SFT2D2: variants seen among roughly 807,000 people sequenced by gnomAD.
The protein encoded by SFT2D2 is SFT2 domain containing 2, also known as vesicle transport protein SFT2B.
SFT2D2 carries 21 observed loss-of-function variants against 27.4 expected under a neutral mutation model. The ratio of observed to expected loss-of-function variants is 0.77; its 90% CI spans 0.54 to 1.10. The LOEUF is 1.10. Ranked by LOEUF, SFT2D2 falls within the 50% of genes least tolerant of loss-of-function variation. The probability of loss-of-function intolerance (pLI) is 0.00; values close to 1 mark genes in which losing one functional copy is unlikely to be tolerated. For synonymous variants in SFT2D2, 72 were observed against 71.7 expected (o/e 1.00, Z -0.02); for missense variants, 187 against 194.2 (o/e 0.96, Z 0.22).
At position 168,248,619 on chromosome 1, in the gene SFT2D2, G is replaced by C. The variant is rs926794751; in HGVS notation, c.*6079G>C. ...TTTCTGCATCTATTGAGTTAGGGAG[G>C]ATTCCCTCTTTTTCTATTGTTTGGA... On this transcript the variant is annotated 3_prime_UTR_variant, in exon 8 of 8. Transcript: ENST00000271375. The C allele has an allele frequency of 6.6e-6, 1 of 152,180 alleles. No homozygotes were observed. The allele number at this position is 152,180 out of a possible 1,614,324, so 9.4% of individuals were successfully genotyped here.
intron 1 of SFT2D2, among the ~76,000 whole-genome samples, chr1:168,229,285 T>A (rs1700489818): frequency 6.6e-6 from 1 of 152,224 alleles, no homozygotes; most frequent in Non-Finnish European, 1.5e-5. Flanking sequence ...AGTGGCTCGA[T>A]CTCGGCTCAC....
chr1:168,231,703 A>G (rs902897222), intron 2 of SFT2D2, 103 bp downstream of exon 2: 2 of 1,442,632 alleles, frequency 1.4e-6, no homozygotes, highest in African/African-American at 1.4e-5. Context: ...ACTAAAATGC[A>G]TGGATGAGAG....
chr1:168,248,697 G>A lies in SFT2D2; in HGVS notation c.*6157G>A, dbSNP rs560302008. On this transcript the variant is annotated 3_prime_UTR_variant, in exon 8 of 8. Coordinates refer to ENST00000271375, the MANE Select transcript of SFT2D2 (RefSeq NM_199344.3). The stretch of plus-strand genomic sequence containing the variant: ...CCCTTTTGTACCTCTGGTAGAATTC[G>A]GCTGTGAATCCATCTGGTCCTGGAC... 45 of 152,264 alleles carry A rather than the reference G, an allele frequency of 3.0e-4. No individual in the cohort carries two copies. Among genetic ancestry groups the A allele is most frequent in the African/African-American group, 1.0e-3 (43 of 41,552 alleles). The allele number at this position is 152,264 out of a possible 1,614,324, so 9.4% of individuals were successfully genotyped here.
chr1:168,237,841 A>ATG (rs34517084), intron 6 of SFT2D2, among the ~76,000 whole-genome samples: 62,709 of 147,888 alleles, frequency 0.42, 15,396 homozygotes, highest in Non-Finnish European at 0.56. Context: ...GTTTGTGTTT[A>ATG]TGTGTGTGTG....
intron 6 of SFT2D2, 23 bp downstream of exon 6, chr1:168,236,793 C>T: frequency 2.5e-6 from 4 of 1,611,342 alleles, no homozygotes; most frequent in South Asian, 2.2e-5. Context: ...TTAAACAATC[C>T]CCTCCCACAT....
Position 168,244,823 on chromosome 1 carries a change from C to G in SFT2D2, c.*2283C>G, listed in dbSNP as rs1647764218. 6.6e-6 allele frequency: 1 copy of G among 152,068 alleles called. No individual in the cohort carries two copies. The highest frequency in any genetic ancestry group is 6.6e-5 in the Admixed American group (1 of 15,264). The allele number at this position is 152,068 out of a possible 1,614,324, so 9.4% of individuals were successfully genotyped here. A position where few individuals can be genotyped will look rare whatever the true frequency, so the allele number is the denominator to read the frequency against. On this transcript the variant is annotated 3_prime_UTR_variant, in exon 8 of 8. Coordinates refer to ENST00000271375, the MANE Select transcript of SFT2D2 (RefSeq NM_199344.3). Reference sequence around the variant, plus strand: ...GCTCCAGCAGCCTGGAATAAGACACCTAGAAGGCTCATCCCTCCATGTCCA... The same window carrying G: ...GCTCCAGCAGCCTGGAATAAGACACGTAGAAGGCTCATCCCTCCATGTCCA...
In SFT2D2 at chr1:168,246,577, G is replaced by T. The variant is rs534126902; in HGVS notation, c.*4037G>T. ...TTGCTGAGAAAGAATCAGAACATGA[G>T]AATTCAAATTTTCCTGTAAATGACG... On this transcript the variant is annotated 3_prime_UTR_variant, in exon 8 of 8. Transcript: ENST00000271375. 6.2e-4 allele frequency: 934 copies of T among 1,511,778 alleles called. 2 individuals carry two copies. The highest frequency in any genetic ancestry group is 7.6e-4 in the Non-Finnish European group (843 of 1,104,340). The allele number at this position is 1,511,778 out of a possible 1,614,324, so 93.6% of individuals were successfully genotyped here. A position where few individuals can be genotyped will look rare whatever the true frequency, so the allele number is the denominator to read the frequency against.
chr1:168,229,192 A>G (rs912116995), intron 1 of SFT2D2, among the ~76,000 whole-genome samples: 15 of 152,094 alleles, frequency 9.9e-5, no homozygotes, highest in East Asian at 5.8e-4. Flanking sequence ...ACTGCTTCCT[A>G]TTGTGGTTAT....
rs1647685791 is a variant in SFT2D2 at position 168,242,858 on chromosome 1, C to T, written c.*318C>T. On this transcript the variant is annotated 3_prime_UTR_variant, in exon 8 of 8. Transcript: ENST00000271375. Reference sequence around the variant, plus strand: ...ACCTATTCAGCAACAGCACATAAGCCTTGGGTGCAAGTGATTCCCAGGTGG... The same window carrying T: ...ACCTATTCAGCAACAGCACATAAGCTTTGGGTGCAAGTGATTCCCAGGTGG... The T allele has an allele frequency of 8.5e-6, 3 of 352,400 alleles. No homozygotes were observed. The South Asian group carries it at 8.6e-5, about 10-fold the overall frequency. 21.8% of individuals were successfully genotyped at this position (352,400 alleles called of 1,614,324 possible). A position where few individuals can be genotyped will look rare whatever the true frequency, so the allele number is the denominator to read the frequency against.
At chr1:168,227,850 A>G (rs1297858350) in intron 1 of SFT2D2, among the ~76,000 whole-genome samples, 1 of 152,184 alleles carries the variant, frequency 6.6e-6, no homozygotes, top group Non-Finnish European at 1.5e-5. Flanking sequence ...TGATGCAGAT[A>G]TTATTGTCTC....
At position 168,226,285 on chromosome 1, in the gene SFT2D2, C is replaced by T. The variant is rs950335894; in HGVS notation, c.63+143C>T. 4.5e-6 allele frequency: 3 copies of T among 672,948 alleles called. No homozygotes were observed. In the African/African-American group the frequency reaches 5.8e-5, roughly 13 times the overall value. 41.7% of individuals were successfully genotyped at this position (672,948 alleles called of 1,614,324 possible). On this transcript the variant is annotated intron_variant, in intron 1 of 7. Transcript: ENST00000271375. The stretch of plus-strand genomic sequence containing the variant: ...TCTCCTCCTCTTCTTCTGCAGGGCT[C>T]CGCGAAGAGGTCTGGCACTACACGG...
At position 168,247,032 on chromosome 1, in the gene SFT2D2, G is replaced by GA. The variant is rs1558180225; in HGVS notation, c.*4492_*4493insA. The GA allele has an allele frequency of 2.2e-6, 1 of 461,134 alleles. No homozygotes were observed. The highest frequency in any genetic ancestry group is 4.2e-6 in the Non-Finnish European group (1 of 236,482). The allele number at this position is 461,134 out of a possible 1,614,324, so 28.6% of individuals were successfully genotyped here. ...ACTATCAGAAATCTCAAACTGCAGAGTTCTTGTTCCCATTCAAGTTTTTGA... is the reference window on the plus strand; with the variant it reads ...ACTATCAGAAATCTCAAACTGCAGAGATTCTTGTTCCCATTCAAGTTTTTGA... On this transcript the variant is annotated 3_prime_UTR_variant, in exon 8 of 8. Transcript: ENST00000271375.
At chr1:168,231,657 C>A in intron 2 of SFT2D2, 57 bp downstream of exon 2, 2 of 1,548,108 alleles carry the variant, frequency 1.3e-6, no homozygotes. Flanking sequence ...CTATATATTC[C>A]CCCTTTTGTC....
chr1:168,233,452 A>G (rs1034700179), intron 3 of SFT2D2, among the ~76,000 whole-genome samples: 1 of 152,204 alleles, frequency 6.6e-6, no homozygotes. Context: ...CTGCACGTGT[A>G]TCTTGTCCCC....
chr1:168,228,785 T>A (rs1442773707), intron 1 of SFT2D2, among the ~76,000 whole-genome samples: 1 of 152,210 alleles, frequency 6.6e-6, no homozygotes, highest in African/African-American at 2.4e-5. Flanking sequence ...TAACTGCCAG[T>A]CAGACTGCCT....
In SFT2D2 at chr1:168,246,878, A is replaced by G. The variant is rs1647831029; in HGVS notation, c.*4338A>G. 3.3e-6 allele frequency: 2 copies of G among 602,922 alleles called. No individual in the cohort carries two copies. Among genetic ancestry groups the G allele is most frequent in the Non-Finnish European group, 6.0e-6 (2 of 333,412 alleles). The allele number at this position is 602,922 out of a possible 1,614,324, so 37.3% of individuals were successfully genotyped here. A position where few individuals can be genotyped will look rare whatever the true frequency, so the allele number is the denominator to read the frequency against. ...GAAGGTCTTCATGCTTTCTTTTTAT[A>G]ATTTCAATGTCTTTTAAGTATTTCT... is the stretch of plus-strand genomic sequence containing the variant. On this transcript the variant is annotated 3_prime_UTR_variant, in exon 8 of 8. Coordinates refer to ENST00000271375, the MANE Select transcript of SFT2D2 (RefSeq NM_199344.3).
In SFT2D2 at chr1:168,236,627, A is replaced by T; in HGVS notation, c.354+3A>T. ...TTACCCTGTGTTCTGCCTTTTGGGT[A>T]AATGTATATTTTAATTTTTCTTAAC... On this transcript the variant is annotated splice_donor_region_variant and intron_variant, in intron 5 of 7. Coordinates refer to ENST00000271375, the MANE Select transcript of SFT2D2 (RefSeq NM_199344.3). The T allele has an allele frequency of 6.2e-7, 1 of 1,613,472 alleles. No homozygotes were observed. The highest frequency in any genetic ancestry group is 1.1e-5 in the South Asian group (1 of 91,062).
chr1:168,226,938 G>A (rs1311734073), intron 1 of SFT2D2, among the ~76,000 whole-genome samples: 2 of 152,022 alleles, frequency 1.3e-5, no homozygotes, highest in Non-Finnish European at 2.9e-5. Context: ...TCCCACCTCA[G>A]CCTCCCAAGT....
Position 168,248,010 on chromosome 1 carries a change from G to C in SFT2D2, c.*5470G>C, listed in dbSNP as rs1046613691. On this transcript the variant is annotated 3_prime_UTR_variant, in exon 8 of 8. Coordinates refer to ENST00000271375, the MANE Select transcript of SFT2D2 (RefSeq NM_199344.3). Reference sequence around the variant, plus strand: ...AGTGTCTATCCTTCGCCCACTTTTCGATGGGGTTGTTTTGCTCTTATAAAT... The same window carrying C: ...AGTGTCTATCCTTCGCCCACTTTTCCATGGGGTTGTTTTGCTCTTATAAAT... 6.6e-6 allele frequency: 1 copy of C among 152,132 alleles called. No homozygotes were observed. Among genetic ancestry groups the C allele is most frequent in the Non-Finnish European group, 1.5e-5 (1 of 68,022 alleles). The allele number at this position is 152,132 out of a possible 1,614,324, so 9.4% of individuals were successfully genotyped here.
Sources: allele counts gnomAD v4.1 joint callset (sites outside exome capture counted in the v4.1 genomes callset), GRCh38; gene constraint gnomAD v4.1.1; transcripts MANE v1.5; gene names NCBI Gene and HGNC (gene_info 2026-07-23, HGNC 2026-07-21).